Variants in PARD3 observed in about 807,000 individuals in gnomAD.
PARD3 encodes partitioning defective 3 homolog.
PARD3 carries 75 observed loss-of-function variants against 155.4 expected under a neutral mutation model. The observed-to-expected ratio is 0.48, with a 90% CI of 0.40 to 0.58. The LOEUF (loss-of-function observed/expected upper bound fraction) is 0.58. Ranked by LOEUF, PARD3 falls within the 20% of genes least tolerant of loss-of-function variation. The pLI, the probability that PARD3 is intolerant of heterozygous loss-of-function variation, is 0.00. For missense variants in PARD3, 1,642 were observed against 1,721.7 expected (o/e 0.95, Z 0.82); for synonymous variants, 576 against 610.5 (o/e 0.94, Z 0.83).
At chr10:34,674,712 C>T (rs926324581) in intron 2 of PARD3, among the ~76,000 whole-genome samples, 1 of 152,066 alleles carries the variant, frequency 6.6e-6, no homozygotes, top group African/African-American at 2.4e-5. Context: ...GTCTCGAACT[C>T]CTGACCTAAG....
chr10:34,807,973 TTTAC>T (rs1400651605), intron 1 of PARD3, among the ~76,000 whole-genome samples: 1 of 152,166 alleles, frequency 6.6e-6, no homozygotes, highest in Non-Finnish European at 1.5e-5. Flanking sequence ...TACTAAAATG[TTTAC>T]TTATTTACTA....
At chr10:34,339,557 T>C (rs887323120) in intron 16 of PARD3, among the ~76,000 whole-genome samples, 66 of 152,214 alleles carry the variant, frequency 4.3e-4, no homozygotes, top group African/African-American at 1.5e-3. Context: ...TCTAAAATTA[T>C]GTTACCATTA....
chr10:34,559,183 C>T (rs903510131), intron 2 of PARD3, among the ~76,000 whole-genome samples: 5 of 152,134 alleles, frequency 3.3e-5, no homozygotes, highest in South Asian at 4.2e-4. Context: ...TAGTTAATTG[C>T]GGACGTGTCT....
At chr10:34,693,624 G>A (rs973740547) in intron 2 of PARD3, among the ~76,000 whole-genome samples, 2 of 152,012 alleles carry the variant, frequency 1.3e-5, no homozygotes, top group African/African-American at 2.4e-5. Flanking sequence ...TATCACCTGG[G>A]GTGACTAATC....
At chr10:34,406,159 TAAC>T (rs927036307) in intron 5 of PARD3, among the ~76,000 whole-genome samples, 1 of 152,190 alleles carries the variant, frequency 6.6e-6, no homozygotes, top group Non-Finnish European at 1.5e-5. Context: ...TGATCTATGA[TAAC>T]AATGCCTTCT....
chr10:34,698,594 T>A (rs972755864), intron 1 of PARD3, among the ~76,000 whole-genome samples: 4 of 152,154 alleles, frequency 2.6e-5, no homozygotes, highest in Admixed American at 2.6e-4. Context: ...CAAGCTGAAG[T>A]ACAATGGTGC....
chr10:34,731,644 A>G (rs2133817010), intron 1 of PARD3, among the ~76,000 whole-genome samples: 1 of 152,360 alleles, frequency 6.6e-6, no homozygotes, highest in East Asian at 1.9e-4. Context: ...AGAAAAGTTG[A>G]AGTTCAAAAA....
chr10:34,584,659 T>C (rs1203153095), intron 2 of PARD3, among the ~76,000 whole-genome samples: 1 of 152,150 alleles, frequency 6.6e-6, no homozygotes, highest in Non-Finnish European at 1.5e-5. Context: ...GTTTGTCTAT[T>C]ATTTTTCAGT....
chr10:34,145,221 ATTTT>A (rs57442429), intron 22 of PARD3, among the ~76,000 whole-genome samples: 1,262 of 33,590 alleles, frequency 0.038, 19 homozygotes, highest in Non-Finnish European at 0.047. Flanking sequence ...ATATATATAT[ATTTT>A]TTTTTTTTTT....
chr10:34,642,510 G>T (rs549778077), intron 2 of PARD3, among the ~76,000 whole-genome samples: 4 of 152,020 alleles, frequency 2.6e-5, no homozygotes, highest in African/African-American at 9.6e-5. Flanking sequence ...GAACTTCCAG[G>T]TCCATTTCTC....
At chr10:34,767,414 G>C (rs1838235005) in intron 1 of PARD3, among the ~76,000 whole-genome samples, 1 of 152,016 alleles carries the variant, frequency 6.6e-6, no homozygotes, top group East Asian at 1.9e-4. Context: ...AAGGAACACA[G>C]CTCAGGAGGT....
chr10:34,356,888 T>C (rs1305604318), intron 14 of PARD3, among the ~76,000 whole-genome samples: 1 of 152,236 alleles, frequency 6.6e-6, no homozygotes, highest in African/African-American at 2.4e-5. Flanking sequence ...TTTGATATAA[T>C]TGCTTTATAA....
chr10:34,276,415 T>C (rs1955882005), intron 21 of PARD3, among the ~76,000 whole-genome samples: 2 of 152,154 alleles, frequency 1.3e-5, no homozygotes, highest in East Asian at 1.9e-4. Flanking sequence ...CATCAATTAA[T>C]GATTTTAATT....
At chr10:34,425,733 T>C (rs1305795400) in intron 5 of PARD3, among the ~76,000 whole-genome samples, 2 of 152,216 alleles carry the variant, frequency 1.3e-5, no homozygotes, top group Admixed American at 1.3e-4. Flanking sequence ...CTGTAATCCA[T>C]TTTCACCTAA....
intron 5 of PARD3, among the ~76,000 whole-genome samples, chr10:34,432,750 C>T (rs1241130907): frequency 6.6e-6 from 1 of 152,154 alleles, no homozygotes; most frequent in East Asian, 1.9e-4. Context: ...AAAAAGATAT[C>T]TAGACAGTAG....
At chr10:34,713,218 A>T (rs373646196) in intron 1 of PARD3, among the ~76,000 whole-genome samples, 4 of 151,090 alleles carry the variant, frequency 2.6e-5, no homozygotes, top group South Asian at 4.2e-4. Context: ...TCTCAAAAAT[A>T]AATTAATTAA....
chr10:34,438,577 G>C (rs944898030), intron 5 of PARD3, among the ~76,000 whole-genome samples: 2 of 152,100 alleles, frequency 1.3e-5, no homozygotes, highest in Non-Finnish European at 2.9e-5. Context: ...ATCAGAAAAA[G>C]TAGGGACATT....
intron 1 of PARD3, among the ~76,000 whole-genome samples, chr10:34,757,402 G>A (rs1274524285): frequency 6.6e-6 from 1 of 152,090 alleles, no homozygotes; most frequent in Non-Finnish European, 1.5e-5. Context: ...CTCTTAAATT[G>A]TCTTTAAGAA....
intron 22 of PARD3, among the ~76,000 whole-genome samples, chr10:34,218,721 T>C (rs1217412420): frequency 7.0e-6 from 1 of 143,786 alleles, no homozygotes; most frequent in Non-Finnish European, 1.5e-5. Context: ...AGTGGAAAGA[T>C]GGATTGGAGA....
Sources: allele counts gnomAD v4.1 joint callset (sites outside exome capture counted in the v4.1 genomes callset), GRCh38; gene constraint gnomAD v4.1.1; transcripts MANE v1.5; gene names NCBI Gene and HGNC (gene_info 2026-07-23, HGNC 2026-07-21).